TMEM178B: variants seen among roughly 807,000 people sequenced by gnomAD.
TMEM178B encodes transmembrane protein 178B.
In TMEM178B, 5 loss-of-function variants were observed where a neutral mutation model predicts 31.0. The ratio of observed to expected loss-of-function variants is 0.16; its 90% CI spans 0.08 to 0.34. The LOEUF (loss-of-function observed/expected upper bound fraction) is 0.34. Among genes scored for constraint, TMEM178B ranks in the 10% least tolerant of loss-of-function variants. TMEM178B has a pLI of 1.00. For missense variants in TMEM178B, 275 were observed against 400.3 expected, an observed-to-expected ratio of 0.69 and a Z score of 2.67; for synonymous variants, 164 against 164.0, an observed-to-expected ratio of 1.00 and a Z score of 0.00.
intron 2 of TMEM178B, among the ~76,000 whole-genome samples, chr7:141,423,517 T>C (rs1250129808): frequency 6.6e-6 from 1 of 152,198 alleles, no homozygotes; most frequent in Non-Finnish European, 1.5e-5. Context: ...GGCTACCATA[T>C]TAGACTCTTC....
At chr7:141,316,638 A>C (rs1799010759) in intron 2 of TMEM178B, among the ~76,000 whole-genome samples, 1 of 152,150 alleles carries the variant, frequency 6.6e-6, no homozygotes, top group South Asian at 2.1e-4. Context: ...TGACATTTGC[A>C]AGTATCTATT....
chr7:141,288,536 C>G (rs756676524), intron 2 of TMEM178B, among the ~76,000 whole-genome samples: 1 of 151,628 alleles, frequency 6.6e-6, no homozygotes, highest in Non-Finnish European at 1.5e-5. Flanking sequence ...AAAGAAAAAC[C>G]CTCTTTGATT....
intron 1 of TMEM178B, among the ~76,000 whole-genome samples, chr7:141,093,956 T>C (rs536363886): frequency 1.3e-5 from 2 of 152,178 alleles, no homozygotes; most frequent in South Asian, 2.1e-4. Flanking sequence ...TAAAGGAGTT[T>C]TGGTATAAAT....
intron 1 of TMEM178B, among the ~76,000 whole-genome samples, chr7:141,111,293 G>A (rs1325871872): frequency 6.6e-6 from 1 of 152,066 alleles, no homozygotes; most frequent in Non-Finnish European, 1.5e-5. Flanking sequence ...GCAAGAACAG[G>A]ACAGGAAAAA....
In TMEM178B at chr7:141,416,840, G is replaced by A. The variant is rs938249475; in HGVS notation, c.497-20768G>A. On this transcript the variant is annotated intron_variant, in intron 2 of 3. Coordinates refer to ENST00000565468, the MANE Select transcript of TMEM178B (RefSeq NM_001195278.2). ...TAGAACCAGACACAGAGTACATAAC[G>A]AGCATTTACTTAACAAAAGACCCAA... Among the ~76,000 whole-genome samples, 4 of 152,110 alleles carry A rather than the reference G, an allele frequency of 2.6e-5. 1 individual carries two copies. Among genetic ancestry groups the A allele is most frequent in the African/African-American group, 7.2e-5 (3 of 41,434 alleles).
intron 2 of TMEM178B, among the ~76,000 whole-genome samples, chr7:141,380,753 A>G (rs939627872): frequency 6.6e-6 from 1 of 152,182 alleles, no homozygotes; most frequent in Non-Finnish European, 1.5e-5. Context: ...AATTATTCAT[A>G]TAGGTTACAG....
At chr7:141,268,089 GA>G (rs1408572750) in intron 2 of TMEM178B, among the ~76,000 whole-genome samples, 1 of 152,110 alleles carries the variant, frequency 6.6e-6, no homozygotes, top group Admixed American at 6.6e-5. Flanking sequence ...TGCATATTAT[GA>G]AAAAACTATG....
intron 2 of TMEM178B, chr7:141,429,865 G>A (rs1355288725): frequency 2.0e-5 from 3 of 152,078 alleles, no homozygotes; most frequent in Admixed American, 6.5e-5. Flanking sequence ...ATTATGATGC[G>A]GAACCAACTT....
Position 141,074,332 on chromosome 7 carries a change from C to T in TMEM178B, c.22C>T (p.Leu8Phe), listed in dbSNP as rs769703708. The T allele has an allele frequency of 2.6e-6, 4 of 1,535,356 alleles. No individual in the cohort carries two copies. The highest frequency in any genetic ancestry group is 2.4e-5 in the East Asian group (1 of 40,892). ...AGGCATGGCTGCCGGAAGGTTACTGCTCTACACTGGCCTCTCGCTAGCGCT... is the reference window on the plus strand; with the variant it reads ...AGGCATGGCTGCCGGAAGGTTACTGTTCTACACTGGCCTCTCGCTAGCGCT... Reference protein sequence around the residue: MAAGRLLLYTGLSLALCA... With the variant: MAAGRLLFYTGLSLALCA... Residue 8 changes from leucine (L) to phenylalanine (F), a missense_variant, in exon 1 of 4, where the codon CTC (leucine) becomes TTC (phenylalanine). Physicochemically the swap from Leu to Phe is conservative, Grantham distance 22. Transcript: ENST00000565468. The surrounding 1 kb of genome is among the most constrained non-coding windows in gnomAD (Gnocchi z 5.1).
intron 1 of TMEM178B, among the ~76,000 whole-genome samples, chr7:141,199,160 T>C (rs1053051671): frequency 6.6e-6 from 1 of 152,220 alleles, no homozygotes; most frequent in South Asian, 2.1e-4. Context: ...AAAAATGTCT[T>C]GTTCAAAACA....
At chr7:141,267,668 C>T (rs1000284373) in intron 2 of TMEM178B, among the ~76,000 whole-genome samples, 12 of 152,226 alleles carry the variant, frequency 7.9e-5, no homozygotes, top group Admixed American at 2.0e-4. Flanking sequence ...CAGGCTTCAC[C>T]GGCACTGCTA....
intron 1 of TMEM178B, among the ~76,000 whole-genome samples, chr7:141,132,625 T>G (rs1286760248): frequency 2.6e-5 from 4 of 152,128 alleles, no homozygotes; most frequent in Admixed American, 1.3e-4. Context: ...GGTGCCCACA[T>G]GTGCCACTTG....
the TMEM178B span, among the ~76,000 whole-genome samples, chr7:141,510,800 G>T: frequency 6.6e-6 from 1 of 151,452 alleles, no homozygotes; most frequent in African/African-American, 2.4e-5. Flanking sequence ...GCTTCCAAGA[G>T]GCAGACAGAG....
At chr7:141,416,783 G>T (rs1801105481) in intron 2 of TMEM178B, among the ~76,000 whole-genome samples, 1 of 152,162 alleles carries the variant, frequency 6.6e-6, no homozygotes, top group Non-Finnish European at 1.5e-5. Context: ...TGGCACACAT[G>T]GGGCTAACGG....
intron 2 of TMEM178B, among the ~76,000 whole-genome samples, chr7:141,274,433 G>T (rs1300878614): frequency 6.6e-6 from 1 of 152,122 alleles, no homozygotes; most frequent in Non-Finnish European, 1.5e-5. Flanking sequence ...CAAAAATTTG[G>T]ATTTCATAGG....
chr7:141,233,067 G>C (rs1386860697), intron 2 of TMEM178B, among the ~76,000 whole-genome samples: 1 of 152,168 alleles, frequency 6.6e-6, no homozygotes, highest in Non-Finnish European at 1.5e-5. Context: ...GGTCATCCTG[G>C]AGAAGTGTGT....
At chr7:141,099,944 C>G (rs1795025782) in intron 1 of TMEM178B, among the ~76,000 whole-genome samples, 1 of 151,998 alleles carries the variant, frequency 6.6e-6, no homozygotes, top group Admixed American at 6.6e-5. Context: ...ATTCTCCTCC[C>G]TCGTAGCTGG....
intron 2 of TMEM178B, among the ~76,000 whole-genome samples, chr7:141,247,016 A>T (rs1211909064): frequency 6.6e-6 from 1 of 152,160 alleles, no homozygotes; most frequent in East Asian, 1.9e-4. Context: ...GTCAGGGAAC[A>T]TGTGTCTCTG....
chr7:141,258,787 C>CGCTGTCTTCTGGCCT (rs1399750229), intron 2 of TMEM178B, among the ~76,000 whole-genome samples: 5 of 152,152 alleles, frequency 3.3e-5, no homozygotes, highest in African/African-American at 1.2e-4. Context: ...TAGGTCATCT[C>CGCTGTCTTCTGGCCT]GCTGTCTTCT....
Sources: gnomAD v4.1 joint callset for allele counts (sites outside exome capture counted in the v4.1 genomes callset) on GRCh38, gnomAD v4.1.1 for gene constraint, Gnocchi (gnomAD v3.1) non-coding constraint, MANE v1.5 for transcripts, NCBI Gene and HGNC (gene_info 2026-07-23, HGNC 2026-07-21) for gene names.